The following TRAIP variants were observed in gnomAD, a reference collection of about 807,000 sequenced individuals.
TRAIP encodes the protein E3 ubiquitin-protein ligase TRAIP.
In TRAIP, 37 loss-of-function variants were observed where a neutral mutation model predicts 65.0. The observed-to-expected ratio is 0.57, with a 90% CI of 0.44 to 0.75. The LOEUF (loss-of-function observed/expected upper bound fraction) is 0.75, where lower values mean the gene tolerates loss of function less well. TRAIP is among the 30% of genes least tolerant of loss of function. TRAIP has a pLI of 0.00. For synonymous variants in TRAIP, 187 were observed against 219.1 expected (o/e 0.85, Z 1.29); for missense variants, 481 against 579.4 (o/e 0.83, Z 1.74).
intron 11 of TRAIP, among the ~76,000 whole-genome samples, chr3:49,831,646 C>A (rs532927816): frequency 2.0e-5 from 3 of 152,350 alleles, no homozygotes; most frequent in South Asian, 4.1e-4. Flanking sequence ...CAGACCCACC[C>A]CTTCTGGCAT....
chr3:49,856,524 G>T lies in TRAIP; in HGVS notation c.-71C>A, dbSNP rs964886690. The T allele has an allele frequency of 1.4e-6, 2 of 1,423,544 alleles. No individual in the cohort carries two copies. Among genetic ancestry groups the T allele is most frequent in the Admixed American group, 2.0e-5 (1 of 50,804 alleles). The allele number at this position is 1,423,544 out of a possible 1,614,324, so 88.2% of individuals were successfully genotyped here. A position where few individuals can be genotyped will look rare whatever the true frequency, so the allele number is the denominator to read the frequency against. On this transcript the variant is annotated 5_prime_UTR_variant, in exon 1 of 15. Transcript: ENST00000331456. ...GGTCCGGCTTCGTAGACGCGCCCCCGCGCCTCCGCTTGCTTCAAATTTGGC... is the reference window on the plus strand; with the variant it reads ...GGTCCGGCTTCGTAGACGCGCCCCCTCGCCTCCGCTTGCTTCAAATTTGGC...
Position 49,856,406 on chromosome 3 carries a change from G to T in TRAIP, c.48C>A (p.His16Gln). 1 of 1,614,222 alleles carries T rather than the reference G, an allele frequency of 6.2e-7. No individual in the cohort carries two copies. Among genetic ancestry groups the T allele is most frequent in the Non-Finnish European group, 8.5e-7 (1 of 1,180,038 alleles). ...LCTICSDFFD[H>Q]SRDVAAIHCG... ...AGTGGATGGCGGCCACGTCGCGGGA[G>T]TGATCGAAGAAGTCGGAGCAGATAG... Residue 16 changes from histidine to glutamine, a missense_variant, in exon 1 of 15, where the codon CAC (histidine) becomes CAA (glutamine). Physicochemically the swap from His to Gln is conservative, Grantham distance 24. Transcript: ENST00000331456.
chr3:49,849,603 C>T (rs1054412646), intron 1 of TRAIP, among the ~76,000 whole-genome samples: 2 of 151,356 alleles, frequency 1.3e-5, no homozygotes, highest in South Asian at 4.2e-4. Flanking sequence ...CCAGCCTGGG[C>T]GACAGAGCGA....
At chr3:49,843,780 C>A (rs1374671527) in intron 5 of TRAIP, 21 bp downstream of exon 5, 2 of 1,606,636 alleles carry the variant, frequency 1.2e-6, no homozygotes, top group African/African-American at 1.3e-5. Context: ...AATTCTGTAC[C>A]CATAAAACCT....
At chr3:49,855,585 G>C (rs891469918) in intron 1 of TRAIP, among the ~76,000 whole-genome samples, 1 of 152,190 alleles carries the variant, frequency 6.6e-6, no homozygotes, top group Non-Finnish European at 1.5e-5. Context: ...CCCTCAGCAT[G>C]GGGCTCAGGC....
chr3:49,849,860 T>C (rs1473833831), intron 1 of TRAIP, among the ~76,000 whole-genome samples: 1 of 144,548 alleles, frequency 6.9e-6, no homozygotes, highest in Non-Finnish European at 1.5e-5. Flanking sequence ...TTTTTTTTTT[T>C]TTTTGAGATG....
At chr3:49,842,035 T>A in intron 6 of TRAIP, 96 bp from the exon 7 acceptor site, 1 of 986,800 alleles carries the variant, frequency 1.0e-6, no homozygotes, top group Non-Finnish European at 1.6e-6. Context: ...GTTGCTAAGG[T>A]AACAGGCTAG....
intron 10 of TRAIP, among the ~76,000 whole-genome samples, chr3:49,832,764 G>A (rs903040491): frequency 3.4e-5 from 5 of 145,948 alleles, no homozygotes; most frequent in Non-Finnish European, 6.0e-5. Flanking sequence ...ACAGCCGACA[G>A]GATTCTTCCA....
At chr3:49,847,675 TACATGGGTCTGACTACCTGCCTG>T in intron 2 of TRAIP, 67 bp from the exon 3 acceptor site, 1 of 1,122,160 alleles carries the variant, frequency 8.9e-7, no homozygotes, top group South Asian at 1.4e-5. Context: ...GAGAGTGTTG[TACATGGGTCTGACTACCTGCCTG>T]ACATGCATGT....
Position 49,831,989 on chromosome 3 carries a change from C to G in TRAIP, c.964G>C (p.Val322Leu). The G allele has an allele frequency of 6.2e-7, 1 of 1,608,540 alleles. No individual in the cohort carries two copies. Among genetic ancestry groups the G allele is most frequent in the Non-Finnish European group, 8.5e-7 (1 of 1,177,482 alleles). Residue 322 changes from valine to leucine, a missense_variant, in exon 11 of 15, where the codon GTG (valine) becomes CTG (leucine). Val to Leu is a conservative substitution (Grantham distance 32, BLOSUM62 1). Coordinates refer to ENST00000331456, the MANE Select transcript of TRAIP (RefSeq NM_005879.3). ...DDIDLNATFD[V>L]DTPPARPSSS... ...GAGGGCCGGGCTGGGGGAGTATCCACATCAAAGGTAGCATTGAGATCAATA... is the reference window on the plus strand; with the variant it reads ...GAGGGCCGGGCTGGGGGAGTATCCAGATCAAAGGTAGCATTGAGATCAATA...
chr3:49,840,697 C>A (rs2081831705), intron 8 of TRAIP: 1 of 572,108 alleles, frequency 1.7e-6, no homozygotes, highest in Non-Finnish European at 3.1e-6. Context: ...ACATTTGAGG[C>A]CTGTGCTCTC....
In TRAIP at chr3:49,829,695, A is replaced by T; in HGVS notation, c.1158T>A (p.Pro386=). The change falls in exon 13 of 15, where the codon CCT becomes CCA. Residue 386 remains proline, a synonymous_variant. Transcript: ENST00000331456. ...CTAGGATGGCATTCCGGACAAAAAT[A>T]GGGAAGGCACCAACCAGTTCCTCAT... ...EPDEELVGAF[P]IFVRNAILGQ... 1 of 1,614,174 alleles carries T rather than the reference A, an allele frequency of 6.2e-7. No homozygotes were observed. The highest frequency in any genetic ancestry group is 8.5e-7 in the Non-Finnish European group (1 of 1,180,024).
intron 9 of TRAIP, 80 bp from the exon 10 acceptor site, chr3:49,839,940 T>C (rs2081824226): frequency 7.0e-7 from 1 of 1,420,478 alleles, no homozygotes; most frequent in Non-Finnish European, 9.9e-7. Flanking sequence ...ATGAGCAGCA[T>C]GCATGAAAGG....
At chr3:49,837,687 T>C (rs1022926106) in intron 10 of TRAIP, among the ~76,000 whole-genome samples, 2 of 148,928 alleles carry the variant, frequency 1.3e-5, no homozygotes, top group African/African-American at 5.0e-5. Flanking sequence ...GGTCAAGCGA[T>C]TGTCCTGCCT....
At chr3:49,852,792 G>A (rs577976482) in intron 1 of TRAIP, among the ~76,000 whole-genome samples, 5 of 151,494 alleles carry the variant, frequency 3.3e-5, no homozygotes, top group South Asian at 2.1e-4. Context: ...TGCTCTACAC[G>A]TTAAAGAAAT....
chr3:49,836,952 C>CTTTTTTTTT (rs397875517), intron 10 of TRAIP, among the ~76,000 whole-genome samples: 2 of 83,228 alleles, frequency 2.4e-5, no homozygotes, highest in African/African-American at 5.3e-5. Flanking sequence ...CTTGACATGA[C>CTTTTTTTTT]TTTTTTTTTT....
At chr3:49,840,092 T>C (rs562457588) in intron 9 of TRAIP, among the ~76,000 whole-genome samples, 192 bp downstream of exon 9, 1 of 152,342 alleles carries the variant, frequency 6.6e-6, no homozygotes, top group Non-Finnish European at 1.5e-5. Flanking sequence ...CATGGTTCTG[T>C]CTGCCCTCTG....
Position 49,856,553 on chromosome 3 carries a change from G to T in TRAIP, c.-100C>A. 1 of 998,458 alleles carries T rather than the reference G, an allele frequency of 1.0e-6. No individual in the cohort carries two copies. Among genetic ancestry groups the T allele is most frequent in the Non-Finnish European group, 1.5e-6 (1 of 663,686 alleles). The allele number at this position is 998,458 out of a possible 1,614,324, so 61.8% of individuals were successfully genotyped here. A position where few individuals can be genotyped will look rare whatever the true frequency, so the allele number is the denominator to read the frequency against. ...CTCCGCTTGCTTCAAATTTGGCTCC[G>T]CAGCACGACTTCCTGGAGCGGGCCG... On this transcript the variant is annotated 5_prime_UTR_variant, in exon 1 of 15. Coordinates refer to ENST00000331456, the MANE Select transcript of TRAIP (RefSeq NM_005879.3).
In TRAIP at chr3:49,829,172, C is replaced by T; in HGVS notation, c.1341G>A (p.Lys447=). The change falls in exon 15 of 15, where the codon AAG becomes AAA. Residue 447 remains lysine (K), a synonymous_variant. Coordinates refer to ENST00000331456, the MANE Select transcript of TRAIP (RefSeq NM_005879.3). The part of the protein sequence containing the change: ...PLPVKPKTKV[K]QRVRVKTVPS... The stretch of plus-strand genomic sequence containing the variant: ...GCACTGTCTTCACCCTCACCCTCTG[C>T]TTAACCTTGGTCTTGGGCTTAACAG... The T allele has an allele frequency of 1.2e-6, 2 of 1,614,242 alleles. No individual in the cohort carries two copies. The highest frequency in any genetic ancestry group is 1.1e-5 in the South Asian group (1 of 91,084).
Sources: gnomAD v4.1 joint callset for allele counts (sites outside exome capture counted in the v4.1 genomes callset) on GRCh38, gnomAD v4.1.1 for gene constraint, MANE v1.5 for transcripts, NCBI Gene and HGNC (gene_info 2026-07-23, HGNC 2026-07-21) for gene names.